Variants in PCDHGA11 observed in about 807,000 individuals in gnomAD.
The protein encoded by PCDHGA11 is protocadherin gamma subfamily A, 11.
PCDHGA11 carries 39 observed loss-of-function variants against 60.4 expected under a neutral mutation model. The observed-to-expected ratio is 0.65, with a 90% CI of 0.50 to 0.84. The LOEUF (loss-of-function observed/expected upper bound fraction) is 0.84. Ranked by LOEUF, PCDHGA11 falls within the 40% of genes least tolerant of loss-of-function variation. The pLI is 0.00. For synonymous variants in PCDHGA11, 533 were observed against 510.3 expected, an observed-to-expected ratio of 1.04 and a Z score of -0.60; for missense variants, 1,165 against 1,197.7, an observed-to-expected ratio of 0.97 and a Z score of 0.40.
At chr5:141,461,501 T>G (rs113852528) in intron 1 of PCDHGA11, among the ~76,000 whole-genome samples, 1 of 152,310 alleles carries the variant, frequency 6.6e-6, no homozygotes, top group South Asian at 2.1e-4. Flanking sequence ...TTATTTTTCT[T>G]GGTGATTTGT....
At chr5:141,447,725 C>G (rs1009407606) in intron 1 of PCDHGA11, among the ~76,000 whole-genome samples, 4 of 152,174 alleles carry the variant, frequency 2.6e-5, no homozygotes, top group African/African-American at 9.7e-5. Context: ...TTTTCCAAAA[C>G]TCATTGAACT....
At position 141,486,090 on chromosome 5, in the gene PCDHGA11, G is replaced by C. The variant is rs190955361; in HGVS notation, c.2434-8717G>C. On this transcript the variant is annotated intron_variant, in intron 1 of 3. Transcript: ENST00000398587. The surrounding 1 kb of genome is among the most constrained non-coding windows in gnomAD (Gnocchi z 5.0). ...ACTACTGGAAAGCTTACTCTTTTGG[G>C]GCCCCTAGACTTTGAGAGTGAGAAT... 4 of 1,614,086 alleles carry C rather than the reference G, an allele frequency of 2.5e-6. No individual in the cohort carries two copies. The Admixed American group carries it at 6.7e-5, about 27-fold the overall frequency.
At chr5:141,497,479 G>A (rs1028715475) in intron 2 of PCDHGA11, among the ~76,000 whole-genome samples, 5 of 151,886 alleles carry the variant, frequency 3.3e-5, no homozygotes, top group Non-Finnish European at 7.4e-5. Flanking sequence ...GAGAAGGTGC[G>A]GAACCTCTCT....
chr5:141,511,353 A>C lies in PCDHGA11; in HGVS notation c.*180A>C. ...AGTCAGCACCTACCCCTTCCCCCCC[A>C]GGGGGTTGAATATGCAAAAGCAGTT... On this transcript the variant is annotated 3_prime_UTR_variant, in exon 4 of 4. Transcript: ENST00000398587. 7.3e-7 allele frequency: 1 copy of C among 1,371,054 alleles called. No individual in the cohort carries two copies. Among genetic ancestry groups the C allele is most frequent in the Non-Finnish European group, 9.7e-7 (1 of 1,027,740 alleles). The allele number at this position is 1,371,054 out of a possible 1,614,324, so 84.9% of individuals were successfully genotyped here. A position where few individuals can be genotyped will look rare whatever the true frequency, so the allele number is the denominator to read the frequency against.
chr5:141,476,699 G>C lies in PCDHGA11; in HGVS notation c.2434-18108G>C. 1 of 1,614,222 alleles carries C rather than the reference G, an allele frequency of 6.2e-7. No individual in the cohort carries two copies. The highest frequency in any genetic ancestry group is 8.5e-7 in the Non-Finnish European group (1 of 1,180,042). ...GCGGGAGGACAGCACCAAGTACGCG[G>C]AGCTGGTGTTGGAGCGCGCCCTGGA... is the stretch of plus-strand genomic sequence containing the variant. On this transcript the variant is annotated intron_variant, in intron 1 of 3. Transcript: ENST00000398587. The surrounding 1 kb of genome is among the most constrained non-coding windows in gnomAD (Gnocchi z 7.6).
rs981400135 is a variant in PCDHGA11 at position 141,421,816 on chromosome 5, C to T, written c.589C>T (p.Leu197=). 19 of 1,613,696 alleles carry T rather than the reference C, an allele frequency of 1.2e-5. No homozygotes were observed. The highest frequency in any genetic ancestry group is 1.4e-5 in the Non-Finnish European group (17 of 1,179,884). Residue 197 remains leucine (L), a synonymous_variant, in exon 1 of 4, where the codon CTG becomes TTG. Coordinates refer to ENST00000398587, the MANE Select transcript of PCDHGA11 (RefSeq NM_018914.3). ...TGGGGCCAAGAATCCAGAGCTAGTACTGGAGGGAAGCCTGGACCGAGAGAA... is the reference window on the plus strand; with the variant it reads ...TGGGGCCAAGAATCCAGAGCTAGTATTGGAGGGAAGCCTGGACCGAGAGAA... ...TDGAKNPELV[L]EGSLDREKEA... is the part of the protein sequence containing the mutation.
chr5:141,463,364 T>C (rs1166107031), intron 1 of PCDHGA11, among the ~76,000 whole-genome samples: 2 of 150,250 alleles, frequency 1.3e-5, no homozygotes, highest in Admixed American at 6.6e-5. Context: ...TCCCCTTTCC[T>C]GCCCCACAGT....
intron 1 of PCDHGA11, among the ~76,000 whole-genome samples, chr5:141,463,632 T>C (rs2099065676): frequency 6.6e-6 from 1 of 151,822 alleles, no homozygotes; most frequent in Admixed American, 6.6e-5. Flanking sequence ...GTATTTTGTT[T>C]AGTAGAGACG....
chr5:141,482,736 C>T (rs897817817), intron 1 of PCDHGA11, among the ~76,000 whole-genome samples: 6 of 152,056 alleles, frequency 3.9e-5, no homozygotes, highest in African/African-American at 1.2e-4. Context: ...GCAAGAAATT[C>T]CATGCAGAGG....
chr5:141,487,475 C>T lies in PCDHGA11; in HGVS notation c.2434-7332C>T, dbSNP rs781308835. On this transcript the variant is annotated intron_variant, in intron 1 of 3. Coordinates refer to ENST00000398587, the MANE Select transcript of PCDHGA11 (RefSeq NM_018914.3). The surrounding 1 kb of genome is among the most constrained non-coding windows in gnomAD (Gnocchi z 5.0). ...TATCAAGTTTGTTGATGTGGGAGGC[C>T]ACTCTCATGGCTGTACACCCTTGGC... 1.2e-6 allele frequency: 2 copies of T among 1,614,156 alleles called. No homozygotes were observed. Among genetic ancestry groups the T allele is most frequent in the South Asian group, 1.1e-5 (1 of 91,080 alleles).
Position 141,491,422 on chromosome 5 carries a change from G to A in PCDHGA11, c.2434-3385G>A. 1 of 1,614,112 alleles carries A rather than the reference G, an allele frequency of 6.2e-7. No individual in the cohort carries two copies. Among genetic ancestry groups the A allele is most frequent in the East Asian group, 2.2e-5 (1 of 44,874 alleles). On this transcript the variant is annotated intron_variant, in intron 1 of 3. Coordinates refer to ENST00000398587, the MANE Select transcript of PCDHGA11 (RefSeq NM_018914.3). The surrounding 1 kb of genome is among the most constrained non-coding windows in gnomAD (Gnocchi z 6.9). The stretch of plus-strand genomic sequence containing the variant: ...AAACGCAGACGGGGACGGGGGTGGA[G>A]GGCAGTGCTGCAGGCGCCAGGACTC...
rs372245447 is a variant in PCDHGA11, at chr5:141,489,609, C to T, written c.2434-5198C>T. ...AGCTAATCCGTGTAGAGGTAGAGAT[C>T]CTGGATCTCAATGACAACTCTCCTA... On this transcript the variant is annotated intron_variant, in intron 1 of 3. Coordinates refer to ENST00000398587, the MANE Select transcript of PCDHGA11 (RefSeq NM_018914.3). This position sits in a 1 kb window ranked among gnomAD's most constrained non-coding sequence, Gnocchi z 4.5. The T allele has an allele frequency of 1.9e-6, 3 of 1,613,934 alleles. No homozygotes were observed. The African/African-American group carries it at 4.0e-5, about 22-fold the overall frequency.
chr5:141,490,862 C>G lies in PCDHGA11; in HGVS notation c.2434-3945C>G. 1 of 1,613,878 alleles carries G rather than the reference C, an allele frequency of 6.2e-7. No homozygotes were observed. Among genetic ancestry groups the G allele is most frequent in the East Asian group, 2.2e-5 (1 of 44,874 alleles). ...GTGGTGGGGGTTCGAGACTCCGGCTCTCCCCCATTGCATGCCAACACATCT... is the reference window on the plus strand; with the variant it reads ...GTGGTGGGGGTTCGAGACTCCGGCTGTCCCCCATTGCATGCCAACACATCT... On this transcript the variant is annotated intron_variant, in intron 1 of 3. Coordinates refer to ENST00000398587, the MANE Select transcript of PCDHGA11 (RefSeq NM_018914.3). The surrounding 1 kb of genome is among the most constrained non-coding windows in gnomAD (Gnocchi z 5.4).
Position 141,485,626 on chromosome 5 carries a change from T to A in PCDHGA11, c.2434-9181T>A, listed in dbSNP as rs2099616815. 6.2e-7 allele frequency: 1 copy of A among 1,611,740 alleles called. No individual in the cohort carries two copies. On this transcript the variant is annotated intron_variant, in intron 1 of 3. Coordinates refer to ENST00000398587, the MANE Select transcript of PCDHGA11 (RefSeq NM_018914.3). This position sits in a 1 kb window ranked among gnomAD's most constrained non-coding sequence, Gnocchi z 5.7. Reference sequence around the variant, plus strand: ...GGGAGGCAGCTCCTCCAGGACAGCGTTTCCCGTTGGAAAAGGCTCAGGATG... The same window carrying A: ...GGGAGGCAGCTCCTCCAGGACAGCGATTCCCGTTGGAAAAGGCTCAGGATG...
At chr5:141,438,763 G>C (rs537316602) in intron 1 of PCDHGA11, among the ~76,000 whole-genome samples, 1 of 149,962 alleles carries the variant, frequency 6.7e-6, no homozygotes, top group South Asian at 2.1e-4. Context: ...CTGGGTTCAA[G>C]CGATTCTCCT....
intron 2 of PCDHGA11, among the ~76,000 whole-genome samples, chr5:141,503,085 C>T (rs1284066265): frequency 6.6e-6 from 1 of 152,044 alleles, no homozygotes; most frequent in Non-Finnish European, 1.5e-5. Context: ...GATCTCCTGA[C>T]CTCGTGGTCT....
Position 141,491,722 on chromosome 5 carries a change from C to G in PCDHGA11, c.2434-3085C>G, listed in dbSNP as rs1276921909. ...CCAGGTGAGGGGCTCGGCGCCGCCC[C>G]GGGCGACCCCTGGGGGCGGCACTGG... On this transcript the variant is annotated intron_variant, in intron 1 of 3. Transcript: ENST00000398587. This position sits in a 1 kb window ranked among gnomAD's most constrained non-coding sequence, Gnocchi z 6.9. 2 of 1,607,004 alleles carry G rather than the reference C, an allele frequency of 1.2e-6. No homozygotes were observed. The highest frequency in any genetic ancestry group is 1.7e-5 in the Admixed American group (1 of 58,788).
Position 141,454,887 on chromosome 5 carries a change from T to C in PCDHGA11, c.2433+31227T>C, listed in dbSNP as rs1291501766. Among the ~76,000 whole-genome samples, 3 of 138,310 alleles carry C rather than the reference T, an allele frequency of 2.2e-5. No homozygotes were observed. The Admixed American group carries it at 2.3e-4, about 11-fold the overall frequency. 90.7% of individuals were successfully genotyped at this position (138,310 alleles called of 152,430 possible). A position where few individuals can be genotyped will look rare whatever the true frequency, so the allele number is the denominator to read the frequency against. ...CAGTGGCACGATCTTGGCTCACTGC[T>C]AGCACCGCCTCCCGGGTTCACGCCA... On this transcript the variant is annotated intron_variant, in intron 1 of 3. Coordinates refer to ENST00000398587, the MANE Select transcript of PCDHGA11 (RefSeq NM_018914.3).
rs1562187768 is a variant in PCDHGA11, at chr5:141,499,029, A to AAGG, written c.2492+4165_2492+4166insGGA. 5.0e-3 allele frequency among the ~76,000 whole-genome samples: 706 copies of AAGG among 140,066 alleles called. 6 individuals carry two copies. Among genetic ancestry groups the AAGG allele is most frequent in the African/African-American group, 0.019 (683 of 36,064 alleles). The allele number at this position is 140,066 out of a possible 152,430, so 91.9% of individuals were successfully genotyped here. A position where few individuals can be genotyped will look rare whatever the true frequency, so the allele number is the denominator to read the frequency against. ...GGAAGGAAGGAAGGAAGGAAGGAAG[A>AAGG]AAAGAAAGAAAAAGGGAGAAAAAAT... On this transcript the variant is annotated intron_variant, in intron 2 of 3. Transcript: ENST00000398587.
Sources: allele counts gnomAD v4.1 joint callset (sites outside exome capture counted in the v4.1 genomes callset), GRCh38; gene constraint gnomAD v4.1.1; non-coding constraint Gnocchi (gnomAD v3.1); transcripts MANE v1.5; gene names NCBI Gene and HGNC (gene_info 2026-07-23, HGNC 2026-07-21).